Variants in SLC35F6 observed in about 807,000 individuals in gnomAD.
The protein encoded by SLC35F6 is solute carrier family 35 member F6.
Under a neutral mutation model 29.4 loss-of-function variants are expected in SLC35F6, and 26 were observed. The observed-to-expected ratio is 0.89, with a 90% CI of 0.65 to 1.23. SLC35F6 has a LOEUF of 1.23. SLC35F6 is among the 50% of genes most tolerant of loss of function. The pLI is 0.00. For missense variants in SLC35F6, 428 were observed against 487.8 expected, an observed-to-expected ratio of 0.88 and a Z score of 1.15; for synonymous variants, 174 against 206.6, an observed-to-expected ratio of 0.84 and a Z score of 1.35.
At chr2:26,771,164 C>A (rs1664189999) in intron 1 of SLC35F6, among the ~76,000 whole-genome samples, 1 of 152,194 alleles carries the variant, frequency 6.6e-6, no homozygotes, top group Admixed American at 6.5e-5. Flanking sequence ...ACAGTCAGCT[C>A]CCCAAGAAGC....
chr2:26,771,865 G>A (rs530997107), intron 1 of SLC35F6, among the ~76,000 whole-genome samples: 23 of 152,136 alleles, frequency 1.5e-4, no homozygotes, highest in African/African-American at 4.3e-4. Context: ...CTGACCTGGG[G>A]TGGAGGCTTC....
chr2:26,768,693 G>C (rs1384822850), intron 1 of SLC35F6, among the ~76,000 whole-genome samples: 3 of 129,854 alleles, frequency 2.3e-5, no homozygotes, highest in African/African-American at 9.0e-5. Flanking sequence ...GTCTCTCTCT[G>C]TTGCCCAGGC....
rs138284304 is a variant in SLC35F6 at position 26,779,898 on chromosome 2, G to A, written c.*1387G>A. The stretch of plus-strand genomic sequence containing the variant: ...CAGCTTACTGCAGCCTTGAACTCCT[G>A]GGATCAATCAGTCCTCCTGCCTCAG... On this transcript the variant is annotated 3_prime_UTR_variant, in exon 6 of 6. Transcript: ENST00000344420. 7.2e-4 allele frequency: 107 copies of A among 148,070 alleles called. No homozygotes were observed. Among genetic ancestry groups the A allele is most frequent in the African/African-American group, 2.6e-3 (103 of 39,764 alleles). The allele number at this position is 148,070 out of a possible 1,614,324, so 9.2% of individuals were successfully genotyped here. A position where few individuals can be genotyped will look rare whatever the true frequency, so the allele number is the denominator to read the frequency against.
At position 26,775,461 on chromosome 2, in the gene SLC35F6, T is replaced by TA; in HGVS notation, c.323-2dup. ...TAACTGTAATTTGTTTCTCCTTTCC[T>TA]AGCTCTGAACATGACCAGTGCCTCC... On this transcript the variant is annotated splice_region_variant and splice_polypyrimidine_tract_variant and intron_variant, in intron 3 of 5. Transcript: ENST00000344420. The surrounding 1 kb of genome is among the most constrained non-coding windows in gnomAD (Gnocchi z 4.6). The TA allele has an allele frequency of 6.2e-7, 1 of 1,611,582 alleles. No homozygotes were observed. The highest frequency in any genetic ancestry group is 8.5e-7 in the Non-Finnish European group (1 of 1,179,208).
chr2:26,768,955 TC>T (rs1442854459), intron 1 of SLC35F6, among the ~76,000 whole-genome samples: 2 of 152,172 alleles, frequency 1.3e-5, no homozygotes, highest in African/African-American at 4.8e-5. Context: ...AGGAAAGTTT[TC>T]CATTCCATGG....
Position 26,764,370 on chromosome 2 carries a change from G to A in SLC35F6, c.21G>A (p.Gln7=). The A allele has an allele frequency of 6.4e-7, 1 of 1,551,010 alleles. No homozygotes were observed. Among genetic ancestry groups the A allele is most frequent in the Non-Finnish European group, 8.7e-7 (1 of 1,146,860 alleles). The change falls in exon 1 of 6, where the codon CAG becomes CAA. Residue 7 remains glutamine (Q), a synonymous_variant. Coordinates refer to ENST00000344420, the MANE Select transcript of SLC35F6 (RefSeq NM_017877.4). ...CCGACATGGCCTGGACCAAGTACCA[G>A]CTGTTCCTGGCCGGGCTCATGCTTG... MAWTKY[Q]LFLAGLMLVT... is the part of the protein sequence containing the mutation.
chr2:26,771,149 G>GC (rs1301321467), intron 1 of SLC35F6, among the ~76,000 whole-genome samples: 6 of 152,170 alleles, frequency 3.9e-5, no homozygotes, highest in African/African-American at 1.4e-4. Flanking sequence ...CTCAGCACCA[G>GC]CCCTACAGTC....
chr2:26,765,333 G>A (rs893184588), intron 1 of SLC35F6, among the ~76,000 whole-genome samples: 1 of 147,948 alleles, frequency 6.8e-6, no homozygotes, highest in Admixed American at 6.8e-5. Flanking sequence ...ATGGGGGTGA[G>A]AGGGGGGACA....
rs1664401092 is a variant in SLC35F6 at position 26,781,089 on chromosome 2, G to A, written c.*2578G>A. 1 of 152,064 alleles carries A rather than the reference G, an allele frequency of 6.6e-6. No individual in the cohort carries two copies. Among genetic ancestry groups the A allele is most frequent in the African/African-American group, 2.4e-5 (1 of 41,390 alleles). The allele number at this position is 152,064 out of a possible 1,614,324, so 9.4% of individuals were successfully genotyped here. A position where few individuals can be genotyped will look rare whatever the true frequency, so the allele number is the denominator to read the frequency against. On this transcript the variant is annotated 3_prime_UTR_variant, in exon 6 of 6. Coordinates refer to ENST00000344420, the MANE Select transcript of SLC35F6 (RefSeq NM_017877.4). ...TACAGCTGCCTTGTCTAAAACCTGG[G>A]ATCTTAAAAGTGTTATTTTGGCTTT...
At chr2:26,769,018 G>T (rs1296449192) in intron 1 of SLC35F6, among the ~76,000 whole-genome samples, 18 of 152,160 alleles carry the variant, frequency 1.2e-4, no homozygotes, top group African/African-American at 4.3e-4. Flanking sequence ...ACCTGCTGTG[G>T]CACCCCAGAG....
In SLC35F6 at chr2:26,775,781, C is replaced by G; in HGVS notation, c.535+105C>G. ...TCTGCCATGTGCCATATACCAAGCC[C>G]TGGGTGAGGTGGGTAGCTCTGGAGG... is the stretch of plus-strand genomic sequence containing the variant. On this transcript the variant is annotated intron_variant, in intron 4 of 5. Coordinates refer to ENST00000344420, the MANE Select transcript of SLC35F6 (RefSeq NM_017877.4). The surrounding 1 kb of genome is among the most constrained non-coding windows in gnomAD (Gnocchi z 4.6). 2 of 1,289,512 alleles carry G rather than the reference C, an allele frequency of 1.6e-6. No individual in the cohort carries two copies. Among genetic ancestry groups the G allele is most frequent in the Admixed American group, 2.7e-5 (1 of 37,248 alleles). The allele number at this position is 1,289,512 out of a possible 1,614,324, so 79.9% of individuals were successfully genotyped here. A position where few individuals can be genotyped will look rare whatever the true frequency, so the allele number is the denominator to read the frequency against.
rs375148795 is a variant in SLC35F6, at chr2:26,764,305, G to A, written c.-45G>A. The A allele has an allele frequency of 1.5e-4, 234 of 1,545,244 alleles. 1 individual carries two copies. In the African/African-American group the frequency reaches 2.8e-3, roughly 18 times the overall value. Reference sequence around the variant, plus strand: ...GCTCGCGCAGGAGACCCCGGGTGACGGGGCCCGGCGCCGCTAACTGGAGCG... The same window carrying A: ...GCTCGCGCAGGAGACCCCGGGTGACAGGGCCCGGCGCCGCTAACTGGAGCG... On this transcript the variant is annotated 5_prime_UTR_variant, in exon 1 of 6. Coordinates refer to ENST00000344420, the MANE Select transcript of SLC35F6 (RefSeq NM_017877.4).
Position 26,775,014 on chromosome 2 carries a change from T to C in SLC35F6, c.151-30T>C. The C allele has an allele frequency of 6.3e-7, 1 of 1,596,338 alleles. No individual in the cohort carries two copies. Among genetic ancestry groups the C allele is most frequent in the Non-Finnish European group, 8.5e-7 (1 of 1,169,808 alleles). Reference sequence around the variant, plus strand: ...GATGATCCCCGAGATCCCTTCCAGCTCTGAAGTCCTCGGGTTTTCATCCCT... The same window carrying C: ...GATGATCCCCGAGATCCCTTCCAGCCCTGAAGTCCTCGGGTTTTCATCCCT... On this transcript the variant is annotated intron_variant, in intron 2 of 5. Transcript: ENST00000344420. The surrounding 1 kb of genome is among the most constrained non-coding windows in gnomAD (Gnocchi z 4.6).
intron 1 of SLC35F6, among the ~76,000 whole-genome samples, chr2:26,769,595 G>A (rs1664158386): frequency 1.3e-5 from 2 of 152,244 alleles, no homozygotes; most frequent in African/African-American, 4.8e-5. Flanking sequence ...GTTCCTGTCT[G>A]TCAAATAAGG....
intron 1 of SLC35F6, among the ~76,000 whole-genome samples, chr2:26,767,529 AG>A (rs1460818312): frequency 6.6e-6 from 1 of 152,184 alleles, no homozygotes; most frequent in Admixed American, 6.5e-5. Context: ...GGGTCCTGGC[AG>A]GGGGCCCCTC....
Position 26,775,685 on chromosome 2 carries a change from A to G in SLC35F6, c.535+9A>G. ...CAGCGAAGTGATCACAGGTGCGGCCAGGGGCAGGGACACGGGGCTGCCCTA... is the reference window on the plus strand; with the variant it reads ...CAGCGAAGTGATCACAGGTGCGGCCGGGGGCAGGGACACGGGGCTGCCCTA... On this transcript the variant is annotated intron_variant, in intron 4 of 5. Transcript: ENST00000344420. This position sits in a 1 kb window ranked among gnomAD's most constrained non-coding sequence, Gnocchi z 4.6. 3 of 1,558,584 alleles carry G rather than the reference A, an allele frequency of 1.9e-6. No homozygotes were observed. Among genetic ancestry groups the G allele is most frequent in the East Asian group, 2.4e-5 (1 of 42,084 alleles).
Position 26,775,512 on chromosome 2 carries a change from T to C in SLC35F6, c.371T>C (p.Val124Ala), listed in dbSNP as rs1276080708. ...ASSFQMLRGA[V>A]IIFTGLFSVA... Reference sequence around the variant, plus strand: ...AGCTTCCAGATGCTGCGGGGTGCAGTGATCATATTCACTGGCCTGTTCTCG... The same window carrying C: ...AGCTTCCAGATGCTGCGGGGTGCAGCGATCATATTCACTGGCCTGTTCTCG... The change falls in exon 4 of 6, where the codon GTG becomes GCG. Residue 124 changes from valine (V) to alanine (A), a missense_variant. By Grantham distance (64) the Val-to-Ala change is moderately conservative (BLOSUM62 0). Coordinates refer to ENST00000344420, the MANE Select transcript of SLC35F6 (RefSeq NM_017877.4). This position sits in a 1 kb window ranked among gnomAD's most constrained non-coding sequence, Gnocchi z 4.6. 1 of 1,612,318 alleles carries C rather than the reference T, an allele frequency of 6.2e-7. No individual in the cohort carries two copies. The highest frequency in any genetic ancestry group is 8.5e-7 in the Non-Finnish European group (1 of 1,179,966).
intron 1 of SLC35F6, among the ~76,000 whole-genome samples, chr2:26,771,065 C>T (rs1050672699): frequency 7.9e-5 from 12 of 152,346 alleles, no homozygotes; most frequent in Admixed American, 7.2e-4. Context: ...CAGCCGGGAG[C>T]GCTGCCAGCC....
intron 2 of SLC35F6, 123 bp from the exon 3 acceptor site, chr2:26,774,921 A>G (rs1008395106): frequency 1.5e-5 from 18 of 1,187,996 alleles, no homozygotes; most frequent in Admixed American, 1.4e-4. Context: ...GCATTTGTCT[A>G]TTTTACATAT....
Sources: gnomAD v4.1 joint callset for allele counts (sites outside exome capture counted in the v4.1 genomes callset) on GRCh38, gnomAD v4.1.1 for gene constraint, Gnocchi (gnomAD v3.1) non-coding constraint, MANE v1.5 for transcripts, NCBI Gene and HGNC (gene_info 2026-07-23, HGNC 2026-07-21) for gene names.